Variants in VIPAS39 observed in about 807,000 individuals in gnomAD.
VIPAS39 encodes VPS33B interacting protein, apical-basolateral polarity regulator, spe-39 homolog.
In VIPAS39, 63 loss-of-function variants were observed where a neutral mutation model predicts 84.7. That is an observed-to-expected ratio of 0.74 (90% CI 0.61 to 0.92). The LOEUF (loss-of-function observed/expected upper bound fraction) is 0.92, where lower values mean the gene tolerates loss of function less well. Among genes scored for constraint, VIPAS39 ranks in the 40% least tolerant of loss-of-function variants. The pLI is 0.00. For missense variants in VIPAS39, 499 were observed against 604.5 expected, an observed-to-expected ratio of 0.83 and a Z score of 1.83; for synonymous variants, 192 against 216.5, an observed-to-expected ratio of 0.89 and a Z score of 0.99.
chr14:77,437,703 T>C, intron 12 of VIPAS39, 105 bp downstream of exon 12: 1 of 1,198,346 alleles, frequency 8.3e-7, no homozygotes, highest in Non-Finnish European at 1.2e-6. Context: ...TATGATTCAT[T>C]GTTAGCCCTC....
In VIPAS39 at chr14:77,427,394, G is replaced by C. The variant is rs2078446151; in HGVS notation, c.*222C>G. On this transcript the variant is annotated 3_prime_UTR_variant, in exon 20 of 20. Transcript: ENST00000557658. ...CACCTTCATATGAGCACCAGGTGGA[G>C]AGAATCATTCTCATGACTCAAAGCT... 3.4e-6 allele frequency: 2 copies of C among 592,276 alleles called. No homozygotes were observed. The highest frequency in any genetic ancestry group is 6.0e-6 in the Non-Finnish European group (2 of 334,366). 36.7% of individuals were successfully genotyped at this position (592,276 alleles called of 1,614,324 possible).
chr14:77,444,987 C>G (rs912139292), intron 7 of VIPAS39, among the ~76,000 whole-genome samples: 2 of 149,472 alleles, frequency 1.3e-5, no homozygotes, highest in Non-Finnish European at 3.0e-5. Context: ...GAGACGGAGT[C>G]TCGCTCTGTC....
intron 7 of VIPAS39, among the ~76,000 whole-genome samples, chr14:77,446,058 T>TAA (rs59432368): frequency 4.0e-5 from 6 of 150,146 alleles, no homozygotes; most frequent in African/African-American, 7.3e-5. Flanking sequence ...CAGTGGTTTC[T>TAA]AAAAAAAAAA....
chr14:77,435,189 A>C (rs2139772652), intron 14 of VIPAS39, 70 bp downstream of exon 14: 1 of 1,601,126 alleles, frequency 6.2e-7, no homozygotes, highest in Middle Eastern at 1.7e-4. Flanking sequence ...AGTACATAAA[A>C]GTACTGGATT....
chr14:77,429,831 CTA>C, intron 16 of VIPAS39, 64 bp from the exon 17 acceptor site: 3 of 1,416,962 alleles, frequency 2.1e-6, no homozygotes, highest in Non-Finnish European at 3.0e-6. Flanking sequence ...CTAGGTTAGT[CTA>C]TGTTTTACGA....
Position 77,429,094 on chromosome 14 carries a change from A to C in VIPAS39, c.1268T>G (p.Ile423Arg), listed in dbSNP as rs200695746. ...ILHKNNAPVQILQEYVNLVED... is the reference protein window; with the variant it reads ...ILHKNNAPVQRLQEYVNLVED... Reference sequence around the variant, plus strand: ...CACCAGATTGACATACTCCTGTAATATCTGTGGGAAGAGGTACTTCCGATT... The same window carrying C: ...CACCAGATTGACATACTCCTGTAATCTCTGTGGGAAGAGGTACTTCCGATT... The change falls in exon 18 of 20, where the codon ATA becomes AGA. Residue 423 changes from isoleucine (I) to arginine (R), a missense_variant and splice_region_variant. Ile to Arg is a moderately conservative substitution (Grantham distance 97). Transcript: ENST00000557658. 2.0e-5 allele frequency: 32 copies of C among 1,613,352 alleles called. No homozygotes were observed. Among genetic ancestry groups the C allele is most frequent in the Non-Finnish European group, 2.6e-5 (31 of 1,179,534 alleles).
chr14:77,449,578 A>T, intron 5 of VIPAS39, 136 bp downstream of exon 5: 1 of 1,338,692 alleles, frequency 7.5e-7, no homozygotes, highest in Non-Finnish European at 1.1e-6. Context: ...AGTATCAGAA[A>T]ATTCCTCTAA....
intron 1 of VIPAS39, chr14:77,457,126 C>G: frequency 7.1e-7 from 1 of 1,414,222 alleles, no homozygotes; most frequent in Non-Finnish European, 9.2e-7. Flanking sequence ...AATTATCTTC[C>G]GAGCCAGGAA....
Position 77,435,947 on chromosome 14 carries a change from T to TAG in VIPAS39, c.837-29_837-28insCT, listed in dbSNP as rs753761634. 13 of 1,612,780 alleles carry TAG rather than the reference T, an allele frequency of 8.1e-6. No individual in the cohort carries two copies. In the African/African-American group the frequency reaches 1.7e-4, roughly 22 times the overall value. Reference sequence around the variant, plus strand: ...GGTAGAGTGCCAGAAGGTTAGTACCTTTCTCTATTCAAACAAGGAAACAAA... The same window carrying TAG: ...GGTAGAGTGCCAGAAGGTTAGTACCTAGTTCTCTATTCAAACAAGGAAACAAA... On this transcript the variant is annotated intron_variant, in intron 12 of 19. Coordinates refer to ENST00000557658, the MANE Select transcript of VIPAS39 (RefSeq NM_001193315.2).
At chr14:77,438,924 A>G (rs183926164) in intron 11 of VIPAS39, among the ~76,000 whole-genome samples, 11 of 152,394 alleles carry the variant, frequency 7.2e-5, no homozygotes, top group African/African-American at 2.4e-4. Context: ...ATAAGACAGA[A>G]TAACAGAAAT....
At chr14:77,453,521 C>T (rs1482065929) in intron 2 of VIPAS39, 120 bp from the exon 3 acceptor site, 7 of 920,684 alleles carry the variant, frequency 7.6e-6, no homozygotes, top group South Asian at 1.3e-5. Flanking sequence ...CCTGTGCAAT[C>T]GAAAGCCTAG....
chr14:77,436,953 G>A (rs1377036546), intron 12 of VIPAS39, among the ~76,000 whole-genome samples: 4 of 152,188 alleles, frequency 2.6e-5, no homozygotes, highest in East Asian at 3.8e-4. Context: ...TTTAGCCATA[G>A]TGAATTTTTA....
At chr14:77,448,765 G>C (rs2078837506) in intron 6 of VIPAS39, among the ~76,000 whole-genome samples, 2 of 152,202 alleles carry the variant, frequency 1.3e-5, no homozygotes. Flanking sequence ...ATGGATCAAA[G>C]AGGGAGGAGC....
chr14:77,456,571 GCTC>G lies in VIPAS39; in HGVS notation c.-1+921_-1+923del, dbSNP rs2078964109. Among the ~76,000 whole-genome samples the G allele has an allele frequency of 4.6e-5, 7 of 152,306 alleles. 1 individual carries two copies. The South Asian group carries it at 1.4e-3, about 32-fold the overall frequency. ...CAGTATCAAAGCCACTTTGTTAAAT[GCTC>G]CTATTTCAAATTACAATCCAGGCTT... On this transcript the variant is annotated intron_variant, in intron 1 of 19. Transcript: ENST00000557658.
At chr14:77,433,421 A>C (rs1015681931) in intron 16 of VIPAS39, among the ~76,000 whole-genome samples, 1 of 152,144 alleles carries the variant, frequency 6.6e-6, no homozygotes, top group African/African-American at 2.4e-5. Flanking sequence ...GGATGGTCTC[A>C]AACTCCTGAC....
chr14:77,447,162 T>C (rs999991719), intron 7 of VIPAS39, among the ~76,000 whole-genome samples: 1 of 151,832 alleles, frequency 6.6e-6, no homozygotes, highest in Non-Finnish European at 1.5e-5. Flanking sequence ...GAAGCTGTGA[T>C]TTACAGGCAT....
chr14:77,454,710 C>G (rs182155505), intron 1 of VIPAS39, among the ~76,000 whole-genome samples: 8 of 149,180 alleles, frequency 5.4e-5, no homozygotes, highest in Non-Finnish European at 1.2e-4. Flanking sequence ...ACGTGGGGAC[C>G]CTACAACAGA....
intron 15 of VIPAS39, 59 bp from the exon 16 acceptor site, chr14:77,433,990 T>C (rs1291429558): frequency 1.9e-6 from 3 of 1,540,554 alleles, no homozygotes; most frequent in East Asian, 2.2e-5. Flanking sequence ...ATGGGGGTGC[T>C]TAAGAATTTT....
At chr14:77,457,405 G>A (rs2078977835) in intron 1 of VIPAS39, 90 bp downstream of exon 1, 1 of 1,535,346 alleles carries the variant, frequency 6.5e-7, no homozygotes, top group East Asian at 2.4e-5. Context: ...TAGGGTGTAG[G>A]GATGCCTCCT....
Sources: allele counts gnomAD v4.1 joint callset (sites outside exome capture counted in the v4.1 genomes callset), GRCh38; gene constraint gnomAD v4.1.1; transcripts MANE v1.5; gene names NCBI Gene and HGNC (gene_info 2026-07-23, HGNC 2026-07-21).